Variants in PICALM observed in about 807,000 individuals in gnomAD.
PICALM encodes phosphatidylinositol-binding clathrin assembly protein.
PICALM carries 40 observed loss-of-function variants against 80.5 expected under a neutral mutation model. The observed-to-expected ratio is 0.50, with a 90% CI of 0.39 to 0.65. The LOEUF (loss-of-function observed/expected upper bound fraction) is 0.65. PICALM is among the 30% of genes least tolerant of loss of function. The pLI, the probability that PICALM is intolerant of heterozygous loss-of-function variation, is 0.00. For missense variants in PICALM, 676 were observed against 778.9 expected (o/e 0.87, Z 1.57); for synonymous variants, 288 against 260.3 (o/e 1.11, Z -1.02).
chr11:85,981,622 A>AT, intron 16 of PICALM, 123 bp downstream of exon 16: 2 of 702,246 alleles, frequency 2.8e-6, no homozygotes, highest in Non-Finnish European at 2.4e-6. Context: ...AAAAAAAAAA[A>AT]GATGCAGACT....
intron 2 of PICALM, among the ~76,000 whole-genome samples, chr11:86,029,727 A>C (rs1230300344): frequency 6.6e-6 from 1 of 152,244 alleles, no homozygotes; most frequent in East Asian, 1.9e-4. Flanking sequence ...ATAAAGAAGA[A>C]GAAGAAAAGT....
In PICALM at chr11:85,961,937, T is replaced by C. The variant is rs149851663; in HGVS notation, c.1945-2877A>G. ...AACAGCCAATGAGCTTCGGCAAATATTACATCACTAGTATATGCAACTTGT... is the reference window on the plus strand; with the variant it reads ...AACAGCCAATGAGCTTCGGCAAATACTACATCACTAGTATATGCAACTTGT... On this transcript the variant is annotated intron_variant, in intron 19 of 19. Coordinates refer to ENST00000393346, the MANE Select transcript of PICALM (RefSeq NM_007166.4). Among the ~76,000 whole-genome samples, 655 of 152,244 alleles carry C rather than the reference T, an allele frequency of 4.3e-3. 6 individuals carry two copies. Among genetic ancestry groups the C allele is most frequent in the African/African-American group, 0.015 (624 of 41,534 alleles).
At chr11:86,047,811 C>A (rs558471279) in intron 1 of PICALM, among the ~76,000 whole-genome samples, 1 of 152,146 alleles carries the variant, frequency 6.6e-6, no homozygotes, top group Non-Finnish European at 1.5e-5. Flanking sequence ...TCTCTTAAAA[C>A]GTTTCCGGCT....
intron 13 of PICALM, among the ~76,000 whole-genome samples, chr11:85,988,132 A>G (rs2094635262): frequency 6.6e-6 from 1 of 152,204 alleles, no homozygotes. Flanking sequence ...CACACAGAAA[A>G]TATCAGCTGG....
chr11:86,060,083 A>G (rs559732632), intron 1 of PICALM, among the ~76,000 whole-genome samples: 1 of 152,304 alleles, frequency 6.6e-6, no homozygotes, highest in East Asian at 1.9e-4. Context: ...GAAATCTTCC[A>G]AAAGTTGAGG....
In PICALM at chr11:85,959,078, G is replaced by T. The variant is rs749265669; in HGVS notation, c.1945-18C>A. 1 of 1,550,442 alleles carries T rather than the reference G, an allele frequency of 6.4e-7. No individual in the cohort carries two copies. The highest frequency in any genetic ancestry group is 8.9e-7 in the Non-Finnish European group (1 of 1,128,406). On this transcript the variant is annotated intron_variant, in intron 19 of 19. Transcript: ENST00000393346. ...AACTGTATCTGGAAAAAAAAAGTGG[G>T]TATGTTAATTCATTGTATTGTAGGA...
intron 19 of PICALM, 146 bp downstream of exon 19, chr11:85,974,562 T>C (rs762542890): frequency 2.1e-5 from 15 of 726,268 alleles, no homozygotes; most frequent in Middle Eastern, 2.4e-4. Flanking sequence ...AAAGCTCTTA[T>C]ATAAGAAAGA....
At chr11:85,987,664 G>T (rs1204705659) in intron 13 of PICALM, among the ~76,000 whole-genome samples, 4 of 152,184 alleles carry the variant, frequency 2.6e-5, no homozygotes, top group Admixed American at 2.0e-4. Flanking sequence ...GAGAGATAGG[G>T]TCTTGCATGT....
chr11:86,026,006 A>G (rs867388712), intron 3 of PICALM, among the ~76,000 whole-genome samples: 2 of 152,200 alleles, frequency 1.3e-5, no homozygotes, highest in Non-Finnish European at 2.9e-5. Context: ...GCCCAAGTTC[A>G]TATAGCTGGT....
intron 2 of PICALM, among the ~76,000 whole-genome samples, chr11:86,030,672 AC>A (rs1016697579): frequency 3.9e-5 from 6 of 152,198 alleles, no homozygotes; most frequent in Non-Finnish European, 7.4e-5. Context: ...CTTATTTGTT[AC>A]CCTTTTAGGC....
intron 3 of PICALM, among the ~76,000 whole-genome samples, chr11:86,023,894 T>C (rs1004314703): frequency 4.6e-5 from 7 of 152,056 alleles, no homozygotes; most frequent in Non-Finnish European, 8.8e-5. Flanking sequence ...TTGGGAGGCT[T>C]AGGAGGATCG....
chr11:85,966,981 A>T (rs1002401004), intron 19 of PICALM, among the ~76,000 whole-genome samples: 1 of 152,310 alleles, frequency 6.6e-6, no homozygotes, highest in Admixed American at 6.5e-5. Context: ...TTCTGTTTTT[A>T]AGAGCTTAAA....
Position 86,038,351 on chromosome 11 carries a change from G to A in PICALM, c.131-6740C>T, listed in dbSNP as rs555041243. On this transcript the variant is annotated intron_variant, in intron 1 of 19. Transcript: ENST00000393346. ...AATTAAACAAAACAAAACAAAAAAA[G>A]AATAAGAGTTGCATGGTAAAGTACC... Among the ~76,000 whole-genome samples, 19 of 151,954 alleles carry A rather than the reference G, an allele frequency of 1.3e-4. No individual in the cohort carries two copies. The East Asian group carries it at 3.7e-3, about 30-fold the overall frequency.
At chr11:86,036,130 T>C (rs2095839776) in intron 1 of PICALM, among the ~76,000 whole-genome samples, 2 of 152,250 alleles carry the variant, frequency 1.3e-5, no homozygotes, top group South Asian at 4.2e-4. Flanking sequence ...TAAGGAACTT[T>C]TATATGAAGT....
At chr11:86,047,406 G>C (rs1025564445) in intron 1 of PICALM, among the ~76,000 whole-genome samples, 1 of 152,240 alleles carries the variant, frequency 6.6e-6, no homozygotes, top group African/African-American at 2.4e-5. Flanking sequence ...TTCAACTCAA[G>C]TTCACAAGTT....
chr11:85,959,064 GAA>G lies in PICALM; in HGVS notation c.1945-6_1945-5del. 4 of 1,545,244 alleles carry G rather than the reference GAA, an allele frequency of 2.6e-6. No individual in the cohort carries two copies. Among genetic ancestry groups the G allele is most frequent in the Non-Finnish European group, 2.7e-6 (3 of 1,131,548 alleles). ...CATCAAGTTACATAAACTGTATCTGGAAAAAAAAAGTGGGTATGTTAATTCAT... is the reference window on the plus strand; with the variant it reads ...CATCAAGTTACATAAACTGTATCTGGAAAAAAAGTGGGTATGTTAATTCAT... On this transcript the variant is annotated splice_region_variant and splice_polypyrimidine_tract_variant and intron_variant, in intron 19 of 19. Coordinates refer to ENST00000393346, the MANE Select transcript of PICALM (RefSeq NM_007166.4).
intron 9 of PICALM, among the ~76,000 whole-genome samples, chr11:86,002,639 T>A (rs747453032): frequency 6.6e-6 from 1 of 152,190 alleles, no homozygotes; most frequent in Non-Finnish European, 1.5e-5. Context: ...ATGTCAGATA[T>A]TCTAGGTTTG....
At chr11:86,003,105 C>T (rs1592775844) in intron 9 of PICALM, among the ~76,000 whole-genome samples, 1 of 152,154 alleles carries the variant, frequency 6.6e-6, no homozygotes, top group Non-Finnish European at 1.5e-5. Context: ...ATCATAAACA[C>T]AATTCTAAAC....
At chr11:86,047,527 T>C (rs1311646939) in intron 1 of PICALM, among the ~76,000 whole-genome samples, 1 of 152,210 alleles carries the variant, frequency 6.6e-6, no homozygotes, top group African/African-American at 2.4e-5. Context: ...ATCAACTCAC[T>C]AGATTTTAGG....
Sources: gnomAD v4.1 joint callset for allele counts (sites outside exome capture counted in the v4.1 genomes callset) on GRCh38, gnomAD v4.1.1 for gene constraint, MANE v1.5 for transcripts, NCBI Gene and HGNC (gene_info 2026-07-23, HGNC 2026-07-21) for gene names.